ZNF544: variants seen among roughly 807,000 people sequenced by gnomAD.
ZNF544 encodes the protein zinc finger protein 544, also known as zinc finger protein AF020591.
ZNF544 carries 10 observed loss-of-function variants against 13.5 expected under a neutral mutation model. That is an observed-to-expected ratio of 0.74 (90% confidence interval 0.46 to 1.25). The LOEUF (loss-of-function observed/expected upper bound fraction) is 1.25. ZNF544 is among the 50% of genes most tolerant of loss of function. The pLI is 0.00. For synonymous variants in ZNF544, 323 were observed against 300.5 expected (o/e 1.07, Z -0.77); for missense variants, 896 against 845.6 (o/e 1.06, Z -0.74).
At position 58,255,762 on chromosome 19, in the gene ZNF544, G is replaced by C. The variant is rs571501850; in HGVS notation, c.245-5089G>C. On this transcript the variant is annotated intron_variant, in intron 6 of 6. Coordinates refer to ENST00000687789, the MANE Select transcript of ZNF544 (RefSeq NM_014480.4). ...GTGAGTTCGCCCTGGATGAGCTGCC[G>C]CTGCCAGTTGCATCACAGATAGGGA... 3.9e-5 allele frequency among the ~76,000 whole-genome samples: 6 copies of C among 152,342 alleles called. No homozygotes were observed. The South Asian group carries it at 1.2e-3, about 32-fold the overall frequency.
At chr19:58,245,065 G>T (rs778824957) in intron 4 of ZNF544, among the ~76,000 whole-genome samples, 1 of 150,466 alleles carries the variant, frequency 6.6e-6, no homozygotes, top group African/African-American at 2.4e-5. Flanking sequence ...CTCCTGCCTC[G>T]GCCTCCCAAG....
chr19:58,237,189 A>G (rs1280862113), intron 3 of ZNF544, among the ~76,000 whole-genome samples: 1 of 149,556 alleles, frequency 6.7e-6, no homozygotes, highest in African/African-American at 2.5e-5. Context: ...TCAGCCTCCC[A>G]GGTAGCTGGG....
intron 4 of ZNF544, among the ~76,000 whole-genome samples, chr19:58,245,283 C>G (rs2044874914): frequency 6.6e-6 from 1 of 150,532 alleles, no homozygotes; most frequent in Non-Finnish European, 1.5e-5. Flanking sequence ...TAAAATTAAT[C>G]ACCTTGTTTG....
chr19:58,271,504 A>C (rs1425722511), intron 5 of ZNF544, among the ~76,000 whole-genome samples: 2 of 152,066 alleles, frequency 1.3e-5, no homozygotes. Flanking sequence ...CAGGAAGCTG[A>C]GTTGGGAGGA....
At chr19:58,260,579 C>A (rs1177241533) in intron 6 of ZNF544, 3 of 305,922 alleles carry the variant, frequency 9.8e-6, no homozygotes, top group African/African-American at 2.2e-5. Flanking sequence ...TGCACCTGGC[C>A]CCTCCCTGCT....
intron 3 of ZNF544, among the ~76,000 whole-genome samples, chr19:58,238,633 G>A (rs574485038): frequency 8.5e-4 from 130 of 152,248 alleles, no homozygotes; most frequent in African/African-American, 2.9e-3. Context: ...TCTGCTGTGC[G>A]CTCAGTACAG....
chr19:58,244,484 C>A (rs990763336), intron 4 of ZNF544, among the ~76,000 whole-genome samples: 1 of 152,098 alleles, frequency 6.6e-6, no homozygotes, highest in Non-Finnish European at 1.5e-5. Flanking sequence ...AGGGCCCTCT[C>A]TTCCTGGCTT....
In ZNF544 at chr19:58,262,580, A is replaced by G. The variant is rs1568504516; in HGVS notation, c.1974A>G (p.Lys658=). The change falls in exon 7 of 7, where the codon AAA becomes AAG. Residue 658 remains lysine, a synonymous_variant. Transcript: ENST00000687789. Reference sequence around the variant, plus strand: ...ATCAGAGAACTCACACTGGTGAGAAACCTTTTGAGTGTAGTCAGTGTGGGA... The same window carrying G: ...ATCAGAGAACTCACACTGGTGAGAAGCCTTTTGAGTGTAGTCAGTGTGGGA... ...VMHQRTHTGE[K]PFECSQCGKA... The G allele has an allele frequency of 1.2e-6, 2 of 1,614,092 alleles. No individual in the cohort carries two copies.
intron 3 of ZNF544, among the ~76,000 whole-genome samples, chr19:58,234,999 G>GT (rs745915570): frequency 6.6e-6 from 1 of 152,130 alleles, no homozygotes; most frequent in Non-Finnish European, 1.5e-5. Context: ...TCTTTTTGTT[G>GT]TTTTTTGTTT....
intron 5 of ZNF544, chr19:58,276,278 G>T: frequency 9.2e-7 from 1 of 1,082,386 alleles, no homozygotes; most frequent in Middle Eastern, 3.4e-4. Flanking sequence ...TGGCCACTGT[G>T]CAGGGGAAGG....
chr19:58,271,483 T>TC (rs1470314851), intron 5 of ZNF544, among the ~76,000 whole-genome samples: 1 of 151,940 alleles, frequency 6.6e-6, no homozygotes, highest in Non-Finnish European at 1.5e-5. Flanking sequence ...ATACCTGAAG[T>TC]CCCAGCTACT....
In ZNF544 at chr19:58,273,984, C is replaced by T. The variant is rs536621109; in HGVS notation, c.245-2339C>T. On this transcript the variant is annotated intron_variant, in intron 5 of 6. Transcript: ENST00000595981. ...CTAATTTTTGTATTTTTAGTAGAGA[C>T]GGGGTTTCCCCATGTTGGCCAGGAT... 8.6e-5 allele frequency among the ~76,000 whole-genome samples: 13 copies of T among 151,954 alleles called. No homozygotes were observed. In the South Asian group the frequency reaches 2.1e-3, roughly 24 times the overall value.
intron 4 of ZNF544, 67 bp from the exon 5 acceptor site, chr19:58,246,234 T>C (rs1375389277): frequency 1.9e-6 from 3 of 1,607,630 alleles, no homozygotes; most frequent in Non-Finnish European, 8.5e-7. Flanking sequence ...ATTTAGGCCT[T>C]AACAGGTACC....
chr19:58,262,207 A>G lies in ZNF544; in HGVS notation c.1601A>G (p.Lys534Arg), dbSNP rs774643861. 4 of 1,613,982 alleles carry G rather than the reference A, an allele frequency of 2.5e-6. No individual in the cohort carries two copies. Among genetic ancestry groups the G allele is most frequent in the Non-Finnish European group, 2.5e-6 (3 of 1,179,996 alleles). The change falls in exon 7 of 7, where the codon AAA becomes AGA. Residue 534 changes from lysine to arginine, a missense_variant. Transcript: ENST00000687789. ...GGGAAATCCTTCTCCCAGAGTTCCA[A>G]ACTTATTACGCATCAGCGAATTCAC... ...LCGKSFSQSS[K>R]LITHQRIHTG...
chr19:58,232,133 G>A (rs950502468), intron 3 of ZNF544, among the ~76,000 whole-genome samples: 1 of 151,978 alleles, frequency 6.6e-6, no homozygotes, highest in Non-Finnish European at 1.5e-5. Context: ...TAAATGTGAT[G>A]GGTAGAACTC....
chr19:58,255,242 C>G (rs994321916), intron 6 of ZNF544, among the ~76,000 whole-genome samples: 1 of 151,284 alleles, frequency 6.6e-6, no homozygotes, highest in Non-Finnish European at 1.5e-5. Context: ...GTGGCATGAT[C>G]TCGGGTCACT....
chr19:58,241,653 C>T (rs2043897640), intron 3 of ZNF544, among the ~76,000 whole-genome samples: 2 of 152,114 alleles, frequency 1.3e-5, no homozygotes, highest in Non-Finnish European at 2.9e-5. Context: ...CCCGCCACCA[C>T]ACCGGCTAAT....
chr19:58,246,959 T>C (rs2045359189), intron 6 of ZNF544, 165 bp downstream of exon 6: 2 of 581,636 alleles, frequency 3.4e-6, no homozygotes, highest in Non-Finnish European at 6.1e-6. Context: ...ATTCGAAGTA[T>C]GCAGTTCATG....
Position 58,234,081 on chromosome 19 carries a change from T to C in ZNF544, c.-60+3619T>C, listed in dbSNP as rs2041901699. Among the ~76,000 whole-genome samples, 3 of 152,354 alleles carry C rather than the reference T, an allele frequency of 2.0e-5. No individual in the cohort carries two copies. In the South Asian group the frequency reaches 6.2e-4, roughly 32 times the overall value. ...CCTGGCCTTTGGTGATAGCCACTTC[T>C]TCTCCTCATTCCACCTTTACTCCCC... On this transcript the variant is annotated intron_variant, in intron 3 of 6. Transcript: ENST00000687789.
Sources: gnomAD v4.1 joint callset for allele counts (sites outside exome capture counted in the v4.1 genomes callset) on GRCh38, gnomAD v4.1.1 for gene constraint, MANE v1.5 for transcripts, NCBI Gene and HGNC (gene_info 2026-07-23, HGNC 2026-07-21) for gene names.